Variants in EXOC4 observed in about 807,000 individuals in gnomAD.
EXOC4 encodes exocyst complex component 4, also known as SEC8-like 1.
A neutral mutation model predicts 107.2 loss-of-function variants in EXOC4; 71 were observed. The observed-to-expected ratio is 0.66, with a 90% CI of 0.55 to 0.81. The LOEUF (loss-of-function observed/expected upper bound fraction) is 0.81. EXOC4 is among the 30% of genes least tolerant of loss of function. The probability of loss-of-function intolerance (pLI) is 0.00; values close to 1 mark genes in which losing one functional copy is unlikely to be tolerated. For synonymous variants in EXOC4, 456 were observed against 441.2 expected, an observed-to-expected ratio of 1.03 and a Z score of -0.42; for missense variants, 1,108 against 1,189.6, an observed-to-expected ratio of 0.93 and a Z score of 1.01.
chr7:133,300,436 C>T (rs575167266), intron 3 of EXOC4, among the ~76,000 whole-genome samples: 1 of 152,276 alleles, frequency 6.6e-6, no homozygotes, highest in African/African-American at 2.4e-5. Context: ...CTGAAATCTT[C>T]ACAATAGCCC....
chr7:133,630,260 T>C, intron 10 of EXOC4, 119 bp downstream of exon 10: 1 of 704,738 alleles, frequency 1.4e-6, no homozygotes, highest in Non-Finnish European at 2.4e-6. Flanking sequence ...ATTTATTCCA[T>C]TTTTAGGGCC....
intron 17 of EXOC4, among the ~76,000 whole-genome samples, chr7:134,045,355 C>A (rs1188447291): frequency 6.6e-6 from 1 of 152,160 alleles, no homozygotes; most frequent in Non-Finnish European, 1.5e-5. Context: ...AGTTAACTTA[C>A]AAAAGCGTAG....
chr7:134,015,846 G>A (rs969973627), intron 17 of EXOC4, among the ~76,000 whole-genome samples: 8 of 142,608 alleles, frequency 5.6e-5, no homozygotes, highest in Non-Finnish European at 1.0e-4. Flanking sequence ...CTGCACTCCA[G>A]CCTAGAGACA....
At chr7:133,713,045 A>G (rs1036112059) in intron 10 of EXOC4, among the ~76,000 whole-genome samples, 6 of 152,212 alleles carry the variant, frequency 3.9e-5, no homozygotes, top group African/African-American at 1.4e-4. Context: ...TGGTGATAGC[A>G]AAATATTTAT....
the EXOC4 span, among the ~76,000 whole-genome samples, chr7:134,079,432 TG>T: frequency 1.2e-4 from 18 of 152,298 alleles, no homozygotes; most frequent in South Asian, 3.7e-3. Context: ...TGCAAAAAGT[TG>T]CTAAAGCCCA....
intron 5 of EXOC4, among the ~76,000 whole-genome samples, chr7:133,327,560 C>T (rs1047268281): frequency 6.6e-6 from 1 of 152,134 alleles, no homozygotes; most frequent in Non-Finnish European, 1.5e-5. Context: ...TTCCTGCTTT[C>T]TCTTGTGGGC....
chr7:133,587,866 A>G (rs1234513820), intron 9 of EXOC4, among the ~76,000 whole-genome samples: 1 of 152,208 alleles, frequency 6.6e-6, no homozygotes, highest in Non-Finnish European at 1.5e-5. Flanking sequence ...TGAACTTTGC[A>G]AAAAGAAAAA....
intron 11 of EXOC4, among the ~76,000 whole-genome samples, chr7:133,828,834 A>C (rs1175712220): frequency 6.6e-6 from 1 of 152,230 alleles, no homozygotes; most frequent in Non-Finnish European, 1.5e-5. Flanking sequence ...GGGGATACAG[A>C]ATAAACTTAA....
chr7:133,662,711 A>T (rs905358241), intron 10 of EXOC4, among the ~76,000 whole-genome samples: 1 of 152,132 alleles, frequency 6.6e-6, no homozygotes, highest in African/African-American at 2.4e-5. Context: ...ATATGTGTAT[A>T]AAACAAGAAA....
chr7:134,025,262 G>A (rs554477341), intron 17 of EXOC4, among the ~76,000 whole-genome samples: 14 of 152,072 alleles, frequency 9.2e-5, no homozygotes, highest in Non-Finnish European at 8.8e-5. Flanking sequence ...AACCCACATT[G>A]TATCACTTAT....
chr7:133,386,472 G>A lies in EXOC4; in HGVS notation c.1182+11470G>A, dbSNP rs190404040. 6.6e-5 allele frequency among the ~76,000 whole-genome samples: 10 copies of A among 152,282 alleles called. No homozygotes were observed. In the East Asian group the frequency reaches 1.9e-3, roughly 29 times the overall value. ...TCTCTGGCAGTTGCTGTTCCTTCGA[G>A]AGCATGCTTCTTTTGCCTGTTTGTC... is the stretch of plus-strand genomic sequence containing the variant. On this transcript the variant is annotated intron_variant, in intron 7 of 17. Coordinates refer to ENST00000253861, the MANE Select transcript of EXOC4 (RefSeq NM_021807.4).
chr7:133,582,044 G>A (rs552415421), intron 9 of EXOC4, among the ~76,000 whole-genome samples: 1 of 152,140 alleles, frequency 6.6e-6, no homozygotes, highest in African/African-American at 2.4e-5. Context: ...CCCCCTACCA[G>A]GCCCCTCCCC....
chr7:134,071,692 A>G, the EXOC4 span, among the ~76,000 whole-genome samples: 1 of 152,286 alleles, frequency 6.6e-6, no homozygotes, highest in East Asian at 1.9e-4. Context: ...CTTTAAAGTT[A>G]AGCTATACAC....
At chr7:133,848,765 TA>T (rs141011359) in intron 11 of EXOC4, among the ~76,000 whole-genome samples, 3,750 of 152,308 alleles carry the variant, frequency 0.025, 163 homozygotes, top group African/African-American at 0.085. Context: ...GACCATCATT[TA>T]AAAGTTACAG....
At chr7:133,315,952 T>A (rs550892914) in intron 4 of EXOC4, among the ~76,000 whole-genome samples, 1 of 152,278 alleles carries the variant, frequency 6.6e-6, no homozygotes, top group African/African-American at 2.4e-5. Context: ...CTGTAACAAG[T>A]CAAAAGGGAG....
chr7:133,908,508 T>C (rs540403948), intron 12 of EXOC4, among the ~76,000 whole-genome samples: 3 of 152,274 alleles, frequency 2.0e-5, no homozygotes, highest in African/African-American at 7.2e-5. Context: ...ACTAGGAAAA[T>C]AGACTGCAGA....
chr7:133,680,829 AC>A (rs1223699008), intron 10 of EXOC4, among the ~76,000 whole-genome samples: 2 of 152,202 alleles, frequency 1.3e-5, no homozygotes, highest in Non-Finnish European at 2.9e-5. Flanking sequence ...TATAATAAAT[AC>A]CAACATTGAT....
At chr7:133,350,312 C>T (rs1184698546) in intron 5 of EXOC4, among the ~76,000 whole-genome samples, 1 of 152,044 alleles carries the variant, frequency 6.6e-6, no homozygotes, top group African/African-American at 2.4e-5. Flanking sequence ...TTAGGTCTTA[C>T]ATTTAGGACT....
At chr7:133,263,470 C>T (rs1307811375) in intron 1 of EXOC4, among the ~76,000 whole-genome samples, 1 of 149,744 alleles carries the variant, frequency 6.7e-6, no homozygotes, top group East Asian at 2.0e-4. Context: ...CATCCTCTGC[C>T]TCCCAAGCTC....
Sources: gnomAD v4.1 joint callset for allele counts (sites outside exome capture counted in the v4.1 genomes callset) on GRCh38, gnomAD v4.1.1 for gene constraint, MANE v1.5 for transcripts, NCBI Gene and HGNC (gene_info 2026-07-23, HGNC 2026-07-21) for gene names.